Variants in COG5 observed in about 807,000 individuals in gnomAD.
COG5 encodes conserved oligomeric Golgi complex subunit 5.
A neutral mutation model predicts 110.4 loss-of-function variants in COG5; 86 were observed. The ratio of observed to expected loss-of-function variants is 0.78; its 90% CI spans 0.65 to 0.93. COG5 has a LOEUF of 0.93. Among genes scored for constraint, COG5 ranks in the 40% least tolerant of loss-of-function variants. The pLI is 0.00. For synonymous variants in COG5, 360 were observed against 334.6 expected (o/e 1.08, Z -0.83); for missense variants, 1,077 against 987.0 (o/e 1.09, Z -1.22).
intron 10 of COG5, among the ~76,000 whole-genome samples, chr7:107,351,476 A>G (rs1250489868): frequency 6.6e-6 from 1 of 152,224 alleles, no homozygotes; most frequent in Non-Finnish European, 1.5e-5. Flanking sequence ...AATTAAACTG[A>G]AGAGCTTCTG....
chr7:107,368,817 G>A (rs995671931), intron 8 of COG5, among the ~76,000 whole-genome samples: 1 of 151,912 alleles, frequency 6.6e-6, no homozygotes, highest in East Asian at 1.9e-4. Context: ...AAATATTTCA[G>A]GCATACAAAA....
intron 6 of COG5, among the ~76,000 whole-genome samples, chr7:107,522,556 T>G (rs545586470): frequency 1.3e-5 from 2 of 151,890 alleles, no homozygotes; most frequent in African/African-American, 4.8e-5. Context: ...GTAACAAACC[T>G]GCATGTTCTG....
At chr7:107,509,973 A>G (rs1469276574) in intron 6 of COG5, among the ~76,000 whole-genome samples, 1 of 152,228 alleles carries the variant, frequency 6.6e-6, no homozygotes, top group Non-Finnish European at 1.5e-5. Context: ...CATCAAGGCT[A>G]GGAAGAAACT....
At chr7:107,247,892 G>A (rs1316492591) in intron 17 of COG5, among the ~76,000 whole-genome samples, 1 of 152,150 alleles carries the variant, frequency 6.6e-6, no homozygotes, top group African/African-American at 2.4e-5. Context: ...AATCAATCTT[G>A]GAGGAGGTTG....
intron 6 of COG5, among the ~76,000 whole-genome samples, chr7:107,458,519 A>G (rs926518684): frequency 1.2e-4 from 18 of 152,204 alleles, no homozygotes; most frequent in African/African-American, 4.3e-4. Context: ...TTAAGCATGT[A>G]TATCAAAAAA....
Position 107,554,203 on chromosome 7 carries a change from C to G in COG5, c.292+82G>C, listed in dbSNP as rs1385827637. The G allele has an allele frequency of 3.4e-6, 4 of 1,192,482 alleles. No individual in the cohort carries two copies. The African/African-American group carries it at 6.0e-5, about 18-fold the overall frequency. The allele number at this position is 1,192,482 out of a possible 1,614,324, so 73.9% of individuals were successfully genotyped here. On this transcript the variant is annotated intron_variant, in intron 3 of 21. Coordinates refer to ENST00000297135, the MANE Select transcript of COG5 (RefSeq NM_006348.5). ...TGTATGGCTGGCAAAGTCTAAAATA[C>G]TTGCCATCCAAAGTAGCTTGCCAAA... is the stretch of plus-strand genomic sequence containing the variant.
At chr7:107,414,960 T>G (rs1197213756) in intron 6 of COG5, among the ~76,000 whole-genome samples, 2 of 151,882 alleles carry the variant, frequency 1.3e-5, no homozygotes, top group East Asian at 1.9e-4. Flanking sequence ...TCTCCTGACC[T>G]TGTGATCCAC....
At chr7:107,218,070 C>T (rs566762144) in intron 19 of COG5, among the ~76,000 whole-genome samples, 1 of 151,906 alleles carries the variant, frequency 6.6e-6, no homozygotes, top group East Asian at 1.9e-4. Flanking sequence ...AAAAGGAAAT[C>T]AAGAAAATAC....
intron 6 of COG5, among the ~76,000 whole-genome samples, chr7:107,437,582 C>T (rs948365280): frequency 6.6e-6 from 1 of 152,104 alleles, no homozygotes; most frequent in Non-Finnish European, 1.5e-5. Context: ...TGAATAGCTA[C>T]TCTGTGACAG....
intron 7 of COG5, among the ~76,000 whole-genome samples, chr7:107,387,460 G>A (rs10953537): frequency 0.16 from 23,717 of 152,242 alleles, 2,301 homozygotes; most frequent in Non-Finnish European, 0.22. Context: ...GCAAAATTTC[G>A]TGTGTTCCTT....
intron 10 of COG5, among the ~76,000 whole-genome samples, chr7:107,357,614 A>G (rs1375400640): frequency 6.6e-6 from 1 of 152,128 alleles, no homozygotes; most frequent in African/African-American, 2.4e-5. Context: ...CCCTATACCT[A>G]ACAATCCTTT....
chr7:107,264,260 T>G (rs1458406252), intron 14 of COG5, among the ~76,000 whole-genome samples: 1 of 152,010 alleles, frequency 6.6e-6, no homozygotes, highest in African/African-American at 2.4e-5. Flanking sequence ...CTATTAGCAA[T>G]TCCCGATCTA....
intron 10 of COG5, among the ~76,000 whole-genome samples, chr7:107,339,973 A>G (rs1219043316): frequency 6.6e-6 from 1 of 152,024 alleles, no homozygotes; most frequent in African/African-American, 2.4e-5. Flanking sequence ...ACCGAGAACA[A>G]AGAAACTAAC....
chr7:107,301,776 C>T (rs766681037), intron 11 of COG5, among the ~76,000 whole-genome samples: 13 of 151,726 alleles, frequency 8.6e-5, no homozygotes, highest in East Asian at 1.9e-4. Flanking sequence ...GGCTGAGGCA[C>T]GAAAATTGCT....
chr7:107,305,897 C>T (rs954864081), intron 11 of COG5, among the ~76,000 whole-genome samples: 14 of 151,992 alleles, frequency 9.2e-5, no homozygotes, highest in African/African-American at 3.1e-4. Flanking sequence ...AGGAGGGATA[C>T]GCACTTTGTA....
rs140418178 is a variant in COG5 at position 107,236,638 on chromosome 7, T to C, written c.1903A>G (p.Lys635Glu). ...KPDVPCSLYM[K>E]ELQGFIARVM... Reference sequence around the variant, plus strand: ...CTGGCAATGAAACCTTGTAGCTCCTTCATGTACAGAGAACAAGGAACATCA... The same window carrying C: ...CTGGCAATGAAACCTTGTAGCTCCTCCATGTACAGAGAACAAGGAACATCA... The change falls in exon 18 of 22, where the codon AAG (lysine) becomes GAG (glutamate). Residue 635 changes from lysine to glutamate, a missense_variant. Physicochemically the swap from Lys to Glu is moderately conservative, Grantham distance 56. Transcript: ENST00000297135. The C allele has an allele frequency of 5.2e-5, 84 of 1,614,034 alleles. No individual in the cohort carries two copies. In the African/African-American group the frequency reaches 1.1e-3, roughly 20 times the overall value.
At chr7:107,279,921 T>G (rs1354198060) in intron 14 of COG5, among the ~76,000 whole-genome samples, 1 of 152,122 alleles carries the variant, frequency 6.6e-6, no homozygotes, top group Admixed American at 6.5e-5. Flanking sequence ...CGTCTAAGCC[T>G]TTTGCCATTA....
chr7:107,445,920 G>GGGCCACTGTGTAGGGATACACAGACT (rs1794980673), intron 6 of COG5, among the ~76,000 whole-genome samples: 2 of 152,096 alleles, frequency 1.3e-5, no homozygotes, highest in African/African-American at 2.4e-5. Flanking sequence ...CATAAATACA[G>GGGCCACTGTGTAGGGATACACAGACT]GGCCACTGTG....
chr7:107,506,262 T>G (rs1469006231), intron 6 of COG5, among the ~76,000 whole-genome samples: 1 of 152,196 alleles, frequency 6.6e-6, no homozygotes, highest in Non-Finnish European at 1.5e-5. Context: ...GCTGCAGTAG[T>G]TAACAGTGGT....
Sources: allele counts gnomAD v4.1 joint callset (sites outside exome capture counted in the v4.1 genomes callset), GRCh38; gene constraint gnomAD v4.1.1; transcripts MANE v1.5; gene names NCBI Gene and HGNC (gene_info 2026-07-23, HGNC 2026-07-21).